IPMK: variants seen among roughly 807,000 people sequenced by gnomAD.
IPMK encodes inositol polyphosphate multikinase.
Under a neutral mutation model 45.8 loss-of-function variants are expected in IPMK, and 17 were observed. The ratio of observed to expected loss-of-function variants is 0.37; its 90% CI spans 0.25 to 0.56. IPMK has a LOEUF of 0.56. Among genes scored for constraint, IPMK ranks in the 20% least tolerant of loss-of-function variants. The pLI is 0.79. For missense variants in IPMK, 399 were observed against 498.0 expected, an observed-to-expected ratio of 0.80 and a Z score of 1.89; for synonymous variants, 180 against 184.3, an observed-to-expected ratio of 0.98 and a Z score of 0.19.
Position 58,258,343 on chromosome 10 carries a change from G to A in IPMK, c.190+9079C>T, listed in dbSNP as rs143303060. On this transcript the variant is annotated intron_variant, in intron 1 of 5. Transcript: ENST00000373935. ...AAACAAAAAATAGAATATTAGTAAT[G>A]ATATATAAAACTTGAACAGCAACAA... Among the ~76,000 whole-genome samples, 7 of 152,172 alleles carry A rather than the reference G, an allele frequency of 4.6e-5. No individual in the cohort carries two copies. In the East Asian group the frequency reaches 1.4e-3, roughly 29 times the overall value.
chr10:58,264,061 G>A (rs1414338841), intron 1 of IPMK, among the ~76,000 whole-genome samples: 3 of 152,186 alleles, frequency 2.0e-5, no homozygotes, highest in Admixed American at 6.5e-5. Flanking sequence ...TTGACAAAGT[G>A]AGACTATGGA....
intron 1 of IPMK, among the ~76,000 whole-genome samples, chr10:58,244,426 G>C (rs964582862): frequency 2.0e-5 from 3 of 148,008 alleles, no homozygotes; most frequent in African/African-American, 7.5e-5. Context: ...CCTCCGCCCA[G>C]CCACCCCGTC....
chr10:58,266,279 G>C (rs553298190), intron 1 of IPMK, among the ~76,000 whole-genome samples: 1 of 152,134 alleles, frequency 6.6e-6, no homozygotes, highest in South Asian at 2.1e-4. Context: ...AAACAAAGTA[G>C]GTAAAAATAA....
At chr10:58,230,076 C>A (rs551036254) in intron 2 of IPMK, among the ~76,000 whole-genome samples, 29 of 152,292 alleles carry the variant, frequency 1.9e-4, no homozygotes, top group African/African-American at 6.5e-4. Flanking sequence ...AGTCTGAGAT[C>A]GAACTGCGAG....
chr10:58,192,775 G>A lies in IPMK; in HGVS notation c.*3301C>T, dbSNP rs1837836035. The A allele has an allele frequency of 6.6e-6, 1 of 151,938 alleles. No homozygotes were observed. The highest frequency in any genetic ancestry group is 2.1e-4 in the South Asian group (1 of 4,820). 9.4% of individuals were successfully genotyped at this position (151,938 alleles called of 1,614,324 possible). A position where few individuals can be genotyped will look rare whatever the true frequency, so the allele number is the denominator to read the frequency against. ...TTTTCCAAAGCATTAACAGATAATT[G>A]TTACCTCTTTAAATAATCAGATTGA... On this transcript the variant is annotated 3_prime_UTR_variant, in exon 6 of 6. Transcript: ENST00000373935.
At chr10:58,259,851 A>C (rs1839036505) in intron 1 of IPMK, among the ~76,000 whole-genome samples, 1 of 152,062 alleles carries the variant, frequency 6.6e-6, no homozygotes, top group South Asian at 2.1e-4. Flanking sequence ...AAAAACAAAA[A>C]GAAAAACAAA....
intron 4 of IPMK, among the ~76,000 whole-genome samples, chr10:58,201,502 G>A (rs1286734897): frequency 6.6e-6 from 1 of 152,130 alleles, no homozygotes; most frequent in Non-Finnish European, 1.5e-5. Context: ...AAATATGTGT[G>A]TCCTGACTGT....
chr10:58,267,251 G>A (rs946063964), intron 1 of IPMK, among the ~76,000 whole-genome samples, 171 bp downstream of exon 1: 7 of 152,216 alleles, frequency 4.6e-5, no homozygotes, highest in African/African-American at 1.4e-4. Context: ...CACTTTCCGA[G>A]CCCCTTCTGC....
chr10:58,254,589 C>T (rs1427586294), intron 1 of IPMK, among the ~76,000 whole-genome samples: 2 of 152,148 alleles, frequency 1.3e-5, no homozygotes, highest in Non-Finnish European at 2.9e-5. Flanking sequence ...TTAGTAGTAC[C>T]ATACTTCGTT....
intron 2 of IPMK, among the ~76,000 whole-genome samples, chr10:58,232,335 A>G (rs762128596): frequency 6.6e-6 from 1 of 152,222 alleles, no homozygotes; most frequent in Non-Finnish European, 1.5e-5. Context: ...AAGCAGACCT[A>G]ATAGACATCT....
At chr10:58,266,407 CAAAG>C (rs1839147867) in intron 1 of IPMK, among the ~76,000 whole-genome samples, 1 of 152,152 alleles carries the variant, frequency 6.6e-6, no homozygotes, top group African/African-American at 2.4e-5. Context: ...ATACAGTACT[CAAAG>C]GAAGAACTCT....
chr10:58,237,696 T>C (rs1013119508), intron 2 of IPMK, 33 bp downstream of exon 2: 6 of 1,516,688 alleles, frequency 4.0e-6, no homozygotes, highest in Non-Finnish European at 5.5e-6. Flanking sequence ...AAAAACACTT[T>C]GAAGACAACA....
chr10:58,228,078 T>G (rs1367491911), intron 2 of IPMK, among the ~76,000 whole-genome samples: 4 of 152,200 alleles, frequency 2.6e-5, no homozygotes, highest in African/African-American at 9.6e-5. Flanking sequence ...CAGATTCCCC[T>G]GTTGAAATGT....
At chr10:58,253,457 A>G (rs911060399) in intron 1 of IPMK, among the ~76,000 whole-genome samples, 1 of 152,132 alleles carries the variant, frequency 6.6e-6, no homozygotes, top group African/African-American at 2.4e-5. Context: ...GGCCAGGCAC[A>G]GTAGCTCAAG....
In IPMK at chr10:58,196,223, A is replaced by G; in HGVS notation, c.1104T>C (p.His368=). Residue 368 remains histidine, a synonymous_variant, in exon 6 of 6, where the codon CAT becomes CAC. Transcript: ENST00000373935. ...CAATCTCTTGGCAACCAGTGGGAAGATGGTAGAAAACTTTTTCCAGTTGGG... is the reference window on the plus strand; with the variant it reads ...CAATCTCTTGGCAACCAGTGGGAAGGTGGTAGAAAACTTTTTCCAGTTGGG... ...VLSQLEKVFY[H]LPTGCQEIAE... is the part of the protein sequence containing the mutation. 6.2e-7 allele frequency: 1 copy of G among 1,614,102 alleles called. No homozygotes were observed. The highest frequency in any genetic ancestry group is 8.5e-7 in the Non-Finnish European group (1 of 1,179,944).
At chr10:58,262,030 G>A (rs1839077217) in intron 1 of IPMK, among the ~76,000 whole-genome samples, 1 of 152,128 alleles carries the variant, frequency 6.6e-6, no homozygotes, top group Non-Finnish European at 1.5e-5. Context: ...ACTCATAGGT[G>A]GGAACTGAAC....
chr10:58,214,766 T>C lies in IPMK; in HGVS notation c.546+1379A>G, dbSNP rs80326800. ...TACATATAGATAAACAAGTATTTGG[T>C]ATATCCACAAATTTTACCTTCACGC... On this transcript the variant is annotated intron_variant, in intron 4 of 5. Transcript: ENST00000373935. Among the ~76,000 whole-genome samples the C allele has an allele frequency of 1.1e-4, 17 of 152,310 alleles. No individual in the cohort carries two copies. The East Asian group carries it at 3.1e-3, about 28-fold the overall frequency.
intron 1 of IPMK, among the ~76,000 whole-genome samples, chr10:58,249,221 T>C (rs1250614883): frequency 2.0e-5 from 3 of 152,192 alleles, no homozygotes; most frequent in Non-Finnish European, 4.4e-5. Context: ...AAAAGATGTA[T>C]ATGTTGTTGT....
chr10:58,216,205 C>T lies in IPMK; in HGVS notation c.486G>A (p.Gln162=), dbSNP rs1282545774. The change falls in exon 4 of 6, where the codon CAG becomes CAA. Residue 162 remains glutamine (Q), a synonymous_variant. Transcript: ENST00000373935. ...TTAATGGGTACTTGCTGACCTGTTG[C>T]TGAATCTTCTCAGATGAGGCAAAAG... ...YDPFASSEKI[Q]QQVSKYPLME... The T allele has an allele frequency of 3.1e-6, 5 of 1,612,216 alleles. No homozygotes were observed. Among genetic ancestry groups the T allele is most frequent in the Middle Eastern group, 1.6e-4 (1 of 6,070 alleles).
Sources: allele counts gnomAD v4.1 joint callset (sites outside exome capture counted in the v4.1 genomes callset), GRCh38; gene constraint gnomAD v4.1.1; transcripts MANE v1.5; gene names NCBI Gene and HGNC (gene_info 2026-07-23, HGNC 2026-07-21).